The following RAB19 variants were observed in gnomAD, a reference collection of about 807,000 sequenced individuals.
RAB19 encodes the protein RAB19, member RAS oncogene family.
In RAB19, 21 loss-of-function variants were observed where a neutral mutation model predicts 17.3. The observed-to-expected ratio is 1.21, with a 90% confidence interval of 0.86 to 1.74. RAB19 has a LOEUF of 1.74. Ranked by LOEUF, RAB19 falls within the 40% of genes most tolerant of loss-of-function variation. The pLI, the probability that RAB19 is intolerant of heterozygous loss-of-function variation, is 0.00. For missense variants in RAB19, 277 were observed against 286.8 expected (o/e 0.97, Z 0.25); for synonymous variants, 126 against 110.4 (o/e 1.14, Z -0.88).
At chr7:140,409,134 C>T (rs1397510000) in intron 2 of RAB19, among the ~76,000 whole-genome samples, 4 of 151,836 alleles carry the variant, frequency 2.6e-5, no homozygotes, top group African/African-American at 4.8e-5. Flanking sequence ...GAGGCCGAGG[C>T]GGGTGGATGA....
chr7:140,417,780 G>A (rs1417489714), intron 3 of RAB19, among the ~76,000 whole-genome samples: 7 of 152,144 alleles, frequency 4.6e-5, no homozygotes, highest in African/African-American at 9.7e-5. Context: ...ACTGTCCCTC[G>A]CCTCCTCTGG....
rs369645823 is a variant in RAB19 at position 140,412,063 on chromosome 7, G to A, written c.385+6G>A. 6.2e-7 allele frequency: 1 copy of A among 1,607,442 alleles called. No homozygotes were observed. The highest frequency in any genetic ancestry group is 8.5e-7 in the Non-Finnish European group (1 of 1,178,996). On this transcript the variant is annotated splice_donor_region_variant and intron_variant, in intron 3 of 3. Coordinates refer to ENST00000537763, the MANE Select transcript of RAB19 (RefSeq NM_001008749.3). ...TGTGGTCATTATGCTGATTGGTATG[G>A]CATTTTTGAAGTTTTTAACTTTTGT...
intron 1 of RAB19, 125 bp from the exon 2 acceptor site, chr7:140,407,499 C>T (rs1319551010): frequency 3.0e-6 from 2 of 659,016 alleles, no homozygotes; most frequent in Non-Finnish European, 5.3e-6. Flanking sequence ...TCCTCTGTGC[C>T]CGACTAGCAT....
chr7:140,421,306 C>T (rs1249450025), intron 3 of RAB19, among the ~76,000 whole-genome samples: 1 of 152,122 alleles, frequency 6.6e-6, no homozygotes, highest in African/African-American at 2.4e-5. Context: ...ATCCTCCTGC[C>T]TCAATCTTCC....
chr7:140,411,513 C>G (rs1419150121), intron 2 of RAB19, among the ~76,000 whole-genome samples: 1 of 149,612 alleles, frequency 6.7e-6, no homozygotes, highest in African/African-American at 2.5e-5. Flanking sequence ...ACAAATTACA[C>G]TAACACTAAT....
In RAB19 at chr7:140,426,238, CT is replaced by C; in HGVS notation, c.*91del. 1 of 1,481,090 alleles carries C rather than the reference CT, an allele frequency of 6.8e-7. No individual in the cohort carries two copies. Among genetic ancestry groups the C allele is most frequent in the Non-Finnish European group, 9.1e-7 (1 of 1,102,858 alleles). The allele number at this position is 1,481,090 out of a possible 1,614,324, so 91.7% of individuals were successfully genotyped here. A position where few individuals can be genotyped will look rare whatever the true frequency, so the allele number is the denominator to read the frequency against. The stretch of plus-strand genomic sequence containing the variant: ...ATACCGTAGTGTTGCCCCAGTGGCG[CT>C]TTAGACCCCAGCGTGGACTTGCCGC... On this transcript the variant is annotated 3_prime_UTR_variant, in exon 4 of 4. Transcript: ENST00000537763.
chr7:140,425,650 G>A (rs1025458267), intron 3 of RAB19, among the ~76,000 whole-genome samples: 22 of 151,740 alleles, frequency 1.4e-4, no homozygotes, highest in Admixed American at 1.1e-3. Context: ...CTTGAACCTG[G>A]GAGACGGAGG....
At chr7:140,405,196 T>A (rs751410319) in intron 1 of RAB19, among the ~76,000 whole-genome samples, 1 of 131,910 alleles carries the variant, frequency 7.6e-6, no homozygotes, top group African/African-American at 2.9e-5. Context: ...GAGACAGAGG[T>A]TTTTGGTTTT....
chr7:140,422,057 G>A (rs181460846), intron 3 of RAB19, among the ~76,000 whole-genome samples: 2 of 152,056 alleles, frequency 1.3e-5, no homozygotes, highest in African/African-American at 4.8e-5. Context: ...AAATTTTTCT[G>A]TATAAAGATC....
chr7:140,427,659 C>T lies in RAB19; in HGVS notation c.*1509C>T, dbSNP rs541363281. 1.6e-4 allele frequency among the ~76,000 whole-genome samples: 23 copies of T among 147,870 alleles called. No homozygotes were observed. In the South Asian group the frequency reaches 4.8e-3, roughly 31 times the overall value. On this transcript the variant is annotated 3_prime_UTR_variant, in exon 4 of 4. Coordinates refer to ENST00000537763, the MANE Select transcript of RAB19 (RefSeq NM_001008749.3). ...TAGAGGCAGGGTTTCACCACGTTGGCCAGGCTGGTCTCGAACTCCTGACCT... is the reference window on the plus strand; with the variant it reads ...TAGAGGCAGGGTTTCACCACGTTGGTCAGGCTGGTCTCGAACTCCTGACCT...
intron 3 of RAB19, among the ~76,000 whole-genome samples, chr7:140,419,412 A>T (rs1397579369): frequency 6.6e-6 from 1 of 152,088 alleles, no homozygotes; most frequent in Non-Finnish European, 1.5e-5. Context: ...ACAAAATCAT[A>T]CCTTTTTGCC....
intron 2 of RAB19, among the ~76,000 whole-genome samples, chr7:140,408,133 A>G (rs12703838): frequency 0.61 from 92,422 of 150,420 alleles, 28,679 homozygotes; most frequent in East Asian, 0.8. Flanking sequence ...TGATCCACCC[A>G]CCTCGGCCTC....
intron 1 of RAB19, among the ~76,000 whole-genome samples, chr7:140,405,759 A>T (rs1333914948): frequency 6.8e-6 from 1 of 146,544 alleles, no homozygotes; most frequent in Non-Finnish European, 1.5e-5. Flanking sequence ...ACTGCACTCC[A>T]GCCTCGGTGA....
At chr7:140,423,211 G>T (rs1212801941) in intron 3 of RAB19, among the ~76,000 whole-genome samples, 1 of 152,060 alleles carries the variant, frequency 6.6e-6, no homozygotes, top group Non-Finnish European at 1.5e-5. Context: ...AAGCCAAGGT[G>T]GGCAGATCAT....
chr7:140,413,869 G>A (rs145802129), intron 3 of RAB19, among the ~76,000 whole-genome samples: 5 of 152,180 alleles, frequency 3.3e-5, no homozygotes, highest in East Asian at 3.9e-4. Flanking sequence ...AGAGAAAGGC[G>A]GAATGCACGC....
At chr7:140,425,544 G>A (rs1166322452) in intron 3 of RAB19, among the ~76,000 whole-genome samples, 1 of 151,828 alleles carries the variant, frequency 6.6e-6, no homozygotes, top group East Asian at 2.0e-4. Context: ...GGTCAATATG[G>A]CAAAACACCT....
intron 3 of RAB19, among the ~76,000 whole-genome samples, chr7:140,421,496 A>T (rs1799562520): frequency 6.6e-6 from 1 of 152,108 alleles, no homozygotes; most frequent in African/African-American, 2.4e-5. Flanking sequence ...AGTAGCTGGG[A>T]TTACAGGCAC....
chr7:140,426,016 C>T lies in RAB19; in HGVS notation c.520C>T (p.Leu174Phe). ...AAAGAACATAGAAGAAGTCTTCGTG[C>T]TCATGGCCAAGGAGCTGATCGCGCG... ...ESKNIEEVFV[L>F]MAKELIARNS... The change falls in exon 4 of 4, where the codon CTC becomes TTC. Residue 174 changes from leucine (L) to phenylalanine (F), a missense_variant. Physicochemically the swap from Leu to Phe is conservative, Grantham distance 22 (BLOSUM62 0). Transcript: ENST00000537763. The T allele has an allele frequency of 6.2e-7, 1 of 1,614,186 alleles. No homozygotes were observed.
intron 3 of RAB19, among the ~76,000 whole-genome samples, chr7:140,413,291 T>C (rs1437960216): frequency 1.3e-5 from 2 of 152,218 alleles, no homozygotes; most frequent in African/African-American, 2.4e-5. Flanking sequence ...AGTTCTGTAG[T>C]ATAATTTGAA....
Sources: gnomAD v4.1 joint callset for allele counts (sites outside exome capture counted in the v4.1 genomes callset) on GRCh38, gnomAD v4.1.1 for gene constraint, MANE v1.5 for transcripts, NCBI Gene and HGNC (gene_info 2026-07-23, HGNC 2026-07-21) for gene names.